Variants in GPR89B observed in about 807,000 individuals in gnomAD.
GPR89B encodes golgi pH regulator B.
Under a neutral mutation model 52.4 loss-of-function variants are expected in GPR89B, and 25 were observed. The observed-to-expected ratio is 0.48, with a 90% CI of 0.35 to 0.67. GPR89B has a LOEUF of 0.67. GPR89B is among the 30% of genes least tolerant of loss of function. The probability of loss-of-function intolerance (pLI) is 0.01; values close to 1 mark genes in which losing one functional copy is unlikely to be tolerated. For missense variants in GPR89B, 146 were observed against 450.2 expected (o/e 0.32, Z 6.11); for synonymous variants, 52 against 151.2 (o/e 0.34, Z 4.81).
At chr1:147,996,182 A>T (rs1316022948), downstream of GPR89B, among the ~76,000 whole-genome samples, 34 of 152,238 alleles carry the variant, frequency 2.2e-4, no homozygotes, top group African/African-American at 8.2e-4. Flanking sequence ...AGCTATAGGG[A>T]TTCTTATCAG....
chr1:147,935,514 C>T (rs1393107589), intron 1 of GPR89B, among the ~76,000 whole-genome samples: 8 of 152,154 alleles, frequency 5.3e-5, no homozygotes, highest in Admixed American at 5.2e-4. Flanking sequence ...CATGTGGCTA[C>T]GGTCTCTGCC....
the GPR89B span, among the ~76,000 whole-genome samples, chr1:148,009,083 G>A: frequency 1.3e-5 from 2 of 152,138 alleles, no homozygotes; most frequent in Non-Finnish European, 1.5e-5. Context: ...GTGTCAGCCT[G>A]ACAAACACTC....
chr1:148,012,747 A>G, the GPR89B span, among the ~76,000 whole-genome samples: 1 of 151,938 alleles, frequency 6.6e-6, no homozygotes, highest in Non-Finnish European at 1.5e-5. Flanking sequence ...AGAGTCCTTG[A>G]TCCGATGTAG....
intron 7 of GPR89B, among the ~76,000 whole-genome samples, 173 bp downstream of exon 7, chr1:147,954,575 T>A (rs1655971123): frequency 1.3e-5 from 2 of 151,214 alleles, no homozygotes; most frequent in Non-Finnish European, 3.0e-5. Context: ...CCCAGCACTT[T>A]GGGAGGCCAC....
intron 7 of GPR89B, among the ~76,000 whole-genome samples, chr1:147,962,932 T>C (rs1246258209): frequency 7.0e-6 from 1 of 142,236 alleles, no homozygotes; most frequent in Non-Finnish European, 1.5e-5. Context: ...TAGACTAAAA[T>C]GTAAAACTAT....
intron 3 of GPR89B, among the ~76,000 whole-genome samples, chr1:147,941,343 T>G (rs1364569731): frequency 5.3e-5 from 8 of 152,248 alleles, no homozygotes; most frequent in African/African-American, 1.7e-4. Context: ...TTGCAGAAGC[T>G]TAGCTGAAAT....
chr1:147,991,814 A>G (rs1183909654), intron 12 of GPR89B, among the ~76,000 whole-genome samples: 2 of 152,154 alleles, frequency 1.3e-5, no homozygotes, highest in African/African-American at 2.4e-5. Flanking sequence ...ATCATGGCAG[A>G]TAAGCTTTTT....
At chr1:148,012,791 G>C in the GPR89B span, among the ~76,000 whole-genome samples, 1 of 151,950 alleles carries the variant, frequency 6.6e-6, no homozygotes, top group East Asian at 1.9e-4. Context: ...TGAAGGCTTT[G>C]ATTGCTGGCA....
At chr1:147,951,592 GAAGGAAATATTGAATATAC>G (rs1236046086) in intron 5 of GPR89B, among the ~76,000 whole-genome samples, 3 of 151,880 alleles carry the variant, frequency 2.0e-5, no homozygotes, top group Non-Finnish European at 4.4e-5. Context: ...AACTAGCAAA[GAAGGAAATATTGAATATAC>G]AAGAGAGAGG....
At chr1:147,955,478 T>G (rs1404070473) in intron 7 of GPR89B, among the ~76,000 whole-genome samples, 29 of 152,036 alleles carry the variant, frequency 1.9e-4, no homozygotes, top group Non-Finnish European at 3.5e-4. Context: ...TTTGGGAACC[T>G]CCACACTATT....
At chr1:148,012,472 T>G in the GPR89B span, among the ~76,000 whole-genome samples, 1,717 of 151,078 alleles carry the variant, frequency 0.011, 53 homozygotes, top group African/African-American at 0.038. Flanking sequence ...CCCTATTCAG[T>G]TTATTTCCTC....
intron 7 of GPR89B, among the ~76,000 whole-genome samples, chr1:147,955,325 A>C (rs1327701832): frequency 1.3e-5 from 2 of 152,036 alleles, no homozygotes; most frequent in Non-Finnish European, 1.5e-5. Context: ...ATAGATTGAT[A>C]CCATAACTTG....
intron 10 of GPR89B, among the ~76,000 whole-genome samples, chr1:147,984,781 A>C (rs1366969150): frequency 2.0e-5 from 3 of 150,852 alleles, no homozygotes; most frequent in African/African-American, 7.3e-5. Context: ...GTGATTTAGA[A>C]GTGTGTTATA....
rs1158901153 is a variant in GPR89B, at chr1:147,938,819, T to G, written c.206+2T>G. 1 of 1,533,858 alleles carries G rather than the reference T, an allele frequency of 6.5e-7. No homozygotes were observed. The highest frequency in any genetic ancestry group is 1.5e-5 in the African/African-American group (1 of 66,668). On this transcript the variant is annotated splice_donor_variant, in intron 3 of 13. Transcript: ENST00000314163. LOFTEE classifies it high-confidence loss of function. The stretch of plus-strand genomic sequence containing the variant: ...AATCTTAGGAGTATTGAATAGCAGG[T>G]GAGTAAGAGTACTGAAAACTCCTCT...
At chr1:147,934,387 A>G (rs1653909640) in intron 1 of GPR89B, among the ~76,000 whole-genome samples, 2 of 152,008 alleles carry the variant, frequency 1.3e-5, no homozygotes, top group Admixed American at 6.6e-5. Context: ...ACGTTGCCCA[A>G]GCTGGTCTCG....
chr1:147,972,841 GTGT>G (rs1657570801), intron 10 of GPR89B, among the ~76,000 whole-genome samples: 1 of 149,038 alleles, frequency 6.7e-6, no homozygotes, highest in Non-Finnish European at 1.5e-5. Flanking sequence ...GTCCCAGTTT[GTGT>G]TGTTCCCTCC....
rs1298745818 is a variant in GPR89B at position 147,955,700 on chromosome 1, C to G, written c.617+1298C>G. Among the ~76,000 whole-genome samples the G allele has an allele frequency of 7.0e-3, 1,034 of 147,620 alleles. 6 individuals are homozygous for G. Among genetic ancestry groups the G allele is most frequent in the African/African-American group, 0.025 (983 of 40,038 alleles). On this transcript the variant is annotated intron_variant, in intron 7 of 13. Coordinates refer to ENST00000314163, the MANE Select transcript of GPR89B (RefSeq NM_016334.5). Reference sequence around the variant, plus strand: ...ATATATCTGTTGGTCATGTGTATGCCTTCTTTTGAGAAATGTCTATTCAGG... The same window carrying G: ...ATATATCTGTTGGTCATGTGTATGCGTTCTTTTGAGAAATGTCTATTCAGG...
chr1:147,985,788 T>C (rs1315749121), intron 10 of GPR89B, among the ~76,000 whole-genome samples: 5 of 152,262 alleles, frequency 3.3e-5, no homozygotes, highest in Non-Finnish European at 7.3e-5. Context: ...ATATCGTTTG[T>C]TGACTTATTA....
chr1:148,013,697 C>G, the GPR89B span, among the ~76,000 whole-genome samples: 1 of 151,940 alleles, frequency 6.6e-6, no homozygotes, highest in Admixed American at 6.5e-5. Flanking sequence ...CCCCCTGGAC[C>G]GGCTGTGCCA....
Sources: allele counts gnomAD v4.1 joint callset (sites outside exome capture counted in the v4.1 genomes callset), GRCh38; gene constraint gnomAD v4.1.1; transcripts MANE v1.5; gene names NCBI Gene and HGNC (gene_info 2026-07-23, HGNC 2026-07-21).